Variants in TNFRSF8 observed in about 807,000 individuals in gnomAD.
TNFRSF8 encodes the protein tumor necrosis factor receptor superfamily member 8.
Under a neutral mutation model 70.8 loss-of-function variants are expected in TNFRSF8, and 26 were observed. That is an observed-to-expected ratio of 0.37 (90% CI 0.27 to 0.51). TNFRSF8 has a LOEUF of 0.51. Among genes scored for constraint, TNFRSF8 ranks in the 20% least tolerant of loss-of-function variants. The probability of loss-of-function intolerance (pLI) is 0.94; values close to 1 mark genes in which losing one functional copy is unlikely to be tolerated. For missense variants in TNFRSF8, 720 were observed against 807.9 expected (o/e 0.89, Z 1.32); for synonymous variants, 356 against 339.2 (o/e 1.05, Z -0.54).
Position 12,118,112 on chromosome 1 carries a change from C to G in TNFRSF8, c.946+2383C>G, listed in dbSNP as rs183432422. On this transcript the variant is annotated intron_variant, in intron 8 of 14. Coordinates refer to ENST00000263932, the MANE Select transcript of TNFRSF8 (RefSeq NM_001243.5). ...GGTGGATGCAGCATAACCCTCCCCC[C>G]CCACCCTTTTCTTTTTGAGACAAAG... Among the ~76,000 whole-genome samples, 18 of 152,096 alleles carry G rather than the reference C, an allele frequency of 1.2e-4. No homozygotes were observed. The South Asian group carries it at 1.2e-3, about 11-fold the overall frequency.
chr1:12,084,667 T>C, intron 2 of TNFRSF8, 116 bp downstream of exon 2: 1 of 971,388 alleles, frequency 1.0e-6, no homozygotes, highest in South Asian at 1.5e-5. Context: ...CATAATTGGC[T>C]ACAGTTTTCT....
intron 1 of TNFRSF8, among the ~76,000 whole-genome samples, chr1:12,073,398 T>C (rs923122343): frequency 2.6e-5 from 4 of 151,980 alleles, no homozygotes; most frequent in Admixed American, 6.6e-5. Context: ...TGGGCCCCGC[T>C]TCCTTTTCCT....
intron 8 of TNFRSF8, among the ~76,000 whole-genome samples, chr1:12,118,536 G>A (rs757458191): frequency 3.0e-4 from 45 of 152,192 alleles, no homozygotes; most frequent in Admixed American, 1.4e-3. Context: ...GATAAATCCA[G>A]GAATAGAAGA....
intron 2 of TNFRSF8, among the ~76,000 whole-genome samples, chr1:12,086,810 C>T (rs1319838943): frequency 6.6e-6 from 1 of 151,336 alleles, no homozygotes; most frequent in East Asian, 1.9e-4. Context: ...TCTCTTTCCC[C>T]CTCTTCATAT....
At chr1:12,072,312 G>A (rs1640861878) in intron 1 of TNFRSF8, among the ~76,000 whole-genome samples, 1 of 152,194 alleles carries the variant, frequency 6.6e-6, no homozygotes, top group Non-Finnish European at 1.5e-5. Context: ...ACCAGTTCCA[G>A]TCCTTGCCCT....
At chr1:12,065,364 T>G (rs1220878854) in intron 1 of TNFRSF8, among the ~76,000 whole-genome samples, 1 of 152,186 alleles carries the variant, frequency 6.6e-6, no homozygotes, top group Non-Finnish European at 1.5e-5. Flanking sequence ...GTTACAGGCA[T>G]GAGCCACCAC....
In TNFRSF8 at chr1:12,142,179, C is replaced by A; in HGVS notation, c.1544-108C>A. ...GAGAGGCTGTGCCATCAGCCTGAAG[C>A]CACCCGGCAGGTGTACCAGCACTGG... On this transcript the variant is annotated intron_variant, in intron 14 of 14. Coordinates refer to ENST00000263932, the MANE Select transcript of TNFRSF8 (RefSeq NM_001243.5). The surrounding 1 kb of genome is among the most constrained non-coding windows in gnomAD (Gnocchi z 5.0). 7.0e-7 allele frequency: 1 copy of A among 1,432,170 alleles called. No individual in the cohort carries two copies. Among genetic ancestry groups the A allele is most frequent in the Non-Finnish European group, 9.3e-7 (1 of 1,080,270 alleles). 88.7% of individuals were successfully genotyped at this position (1,432,170 alleles called of 1,614,324 possible).
intron 2 of TNFRSF8, among the ~76,000 whole-genome samples, chr1:12,093,123 A>G (rs1447309054): frequency 6.6e-6 from 1 of 152,080 alleles, no homozygotes; most frequent in African/African-American, 2.4e-5. Context: ...CCTTTTCATG[A>G]GAACACCGGT....
chr1:12,112,050 C>A lies in TNFRSF8; in HGVS notation c.793+36C>A. On this transcript the variant is annotated intron_variant, in intron 7 of 14. Coordinates refer to ENST00000263932, the MANE Select transcript of TNFRSF8 (RefSeq NM_001243.5). The surrounding 1 kb of genome is among the most constrained non-coding windows in gnomAD (Gnocchi z 5.3). Reference sequence around the variant, plus strand: ...CGTCCCTCCCCGGGCCTCAGTTTACCTCTCTGCATTTTTGAACCGTGAACT... The same window carrying A: ...CGTCCCTCCCCGGGCCTCAGTTTACATCTCTGCATTTTTGAACCGTGAACT... The A allele has an allele frequency of 1.3e-6, 2 of 1,528,504 alleles. No individual in the cohort carries two copies. Among genetic ancestry groups the A allele is most frequent in the Non-Finnish European group, 1.8e-6 (2 of 1,108,370 alleles). 94.7% of individuals were successfully genotyped at this position (1,528,504 alleles called of 1,614,324 possible).
Position 12,126,206 on chromosome 1 carries a change from C to T in TNFRSF8, c.1279C>T (p.Gln427Ter). Residue 427 changes from glutamine (Q) to a stop codon, truncating the protein, a stop_gained, in exon 12 of 15, where the codon CAG (glutamine) becomes TAG (stop). Transcript: ENST00000263932. LOFTEE classifies it high-confidence loss of function. ...AGAGCTCCACCTGTGCTACCCGGTC[C>T]AGACCTCCCAGCCCAAGCTAGAGCT... is the stretch of plus-strand genomic sequence containing the variant. Reference protein sequence around the residue: ...RQKLHLCYPVQTSQPKLELVD... With the variant: ...RQKLHLCYPV The T allele has an allele frequency of 6.2e-7, 1 of 1,614,168 alleles. No homozygotes were observed. Among genetic ancestry groups the T allele is most frequent in the Middle Eastern group, 1.7e-4 (1 of 6,060 alleles).
At chr1:12,135,484 C>G in intron 12 of TNFRSF8, 104 bp from the exon 13 acceptor site, 1 of 1,532,562 alleles carries the variant, frequency 6.5e-7, no homozygotes, top group Non-Finnish European at 8.9e-7. Context: ...GGGCTGAGTT[C>G]AGCACCACCT....
intron 3 of TNFRSF8, among the ~76,000 whole-genome samples, chr1:12,099,585 CA>C (rs948290551): frequency 6.6e-6 from 1 of 152,022 alleles, no homozygotes; most frequent in Non-Finnish European, 1.5e-5. Context: ...ACCCAACTTA[CA>C]ATTTTTTTGT....
chr1:12,082,409 G>A (rs1001697989), intron 1 of TNFRSF8, among the ~76,000 whole-genome samples: 1 of 152,036 alleles, frequency 6.6e-6, no homozygotes, highest in African/African-American at 2.4e-5. Context: ...AGATGGGTGT[G>A]GGGGTGCATG....
At chr1:12,106,990 A>G (rs1354311155) in intron 4 of TNFRSF8, among the ~76,000 whole-genome samples, 5 of 152,224 alleles carry the variant, frequency 3.3e-5, no homozygotes, top group Non-Finnish European at 7.3e-5. Flanking sequence ...CTGTCTGGGC[A>G]GTGTTCCTGA....
intron 1 of TNFRSF8, among the ~76,000 whole-genome samples, chr1:12,075,158 C>T (rs996995997): frequency 6.6e-6 from 1 of 151,886 alleles, no homozygotes; most frequent in African/African-American, 2.4e-5. Flanking sequence ...GCAGGAGAAT[C>T]GCTTGAACCT....
Position 12,111,986 on chromosome 1 carries a change from C to A in TNFRSF8, c.765C>A (p.Arg255=). Residue 255 remains arginine, a synonymous_variant, in exon 7 of 15, where the codon CGC becomes CGA. Coordinates refer to ENST00000263932, the MANE Select transcript of TNFRSF8 (RefSeq NM_001243.5). ...ACTACTACCTGGACGAGGCCGGCCG[C>A]TGCACGGCCTGCGTGAGCTGTTCTC... ...EPDYYLDEAG[R]CTACVSCSRD... The A allele has an allele frequency of 6.2e-7, 1 of 1,614,068 alleles. No individual in the cohort carries two copies. The highest frequency in any genetic ancestry group is 1.1e-5 in the South Asian group (1 of 91,072).
At chr1:12,132,363 C>A (rs1220143024) in intron 12 of TNFRSF8, among the ~76,000 whole-genome samples, 4 of 152,228 alleles carry the variant, frequency 2.6e-5, no homozygotes, top group African/African-American at 9.6e-5. Context: ...TGGCCTGTGG[C>A]CGTTTCTCAG....
chr1:12,122,384 C>T lies in TNFRSF8; in HGVS notation c.947-900C>T, dbSNP rs546994834. 3.7e-4 allele frequency among the ~76,000 whole-genome samples: 56 copies of T among 151,914 alleles called. No individual in the cohort carries two copies. In the East Asian group the frequency reaches 0.01, roughly 28 times the overall value. On this transcript the variant is annotated intron_variant, in intron 8 of 14. Transcript: ENST00000263932. ...GCCTTAGGCTGGGCATGGTGGCTCA[C>T]GCCTACGATCCCAGCACTTTGGGAG...
Position 12,138,683 on chromosome 1 carries a change from G to A in TNFRSF8, c.1543+247G>A, listed in dbSNP as rs1642198978. Reference sequence around the variant, plus strand: ...ATGCCTGCTGTTACTCATAAAAAACGAACACCACCCCAGCCCCCAACACCG... The same window carrying A: ...ATGCCTGCTGTTACTCATAAAAAACAAACACCACCCCAGCCCCCAACACCG... On this transcript the variant is annotated intron_variant, in intron 14 of 14. Coordinates refer to ENST00000263932, the MANE Select transcript of TNFRSF8 (RefSeq NM_001243.5). The surrounding 1 kb of genome is among the most constrained non-coding windows in gnomAD (Gnocchi z 5.7). 1.3e-5 allele frequency among the ~76,000 whole-genome samples: 2 copies of A among 152,118 alleles called. No homozygotes were observed. Among genetic ancestry groups the A allele is most frequent in the South Asian group, 2.1e-4 (1 of 4,832 alleles).
Sources: allele counts gnomAD v4.1 joint callset (sites outside exome capture counted in the v4.1 genomes callset), GRCh38; gene constraint gnomAD v4.1.1; non-coding constraint Gnocchi (gnomAD v3.1); transcripts MANE v1.5; gene names NCBI Gene and HGNC (gene_info 2026-07-23, HGNC 2026-07-21).